The following PLS1 variants were observed in gnomAD, a reference collection of about 807,000 sequenced individuals.
The protein encoded by PLS1 is plastin-1.
Under a neutral mutation model 73.7 loss-of-function variants are expected in PLS1, and 32 were observed. The ratio of observed to expected loss-of-function variants is 0.43; its 90% CI spans 0.33 to 0.58. The LOEUF (loss-of-function observed/expected upper bound fraction) is 0.58, where lower values mean the gene tolerates loss of function less well. Ranked by LOEUF, PLS1 falls within the 20% of genes least tolerant of loss-of-function variation. The pLI, the probability that PLS1 is intolerant of heterozygous loss-of-function variation, is 0.04. For missense variants in PLS1, 633 were observed against 740.5 expected, an observed-to-expected ratio of 0.85 and a Z score of 1.68; for synonymous variants, 217 against 261.3, an observed-to-expected ratio of 0.83 and a Z score of 1.63.
chr3:142,668,237 T>C (rs1403154244), intron 2 of PLS1, among the ~76,000 whole-genome samples: 1 of 152,178 alleles, frequency 6.6e-6, no homozygotes, highest in African/African-American at 2.4e-5. Flanking sequence ...ACCCGGCCTC[T>C]AGGGAAAACC....
rs1200390341 is a variant in PLS1 at position 142,639,085 on chromosome 3, T to C, written c.-36-25117T>C. Among the ~76,000 whole-genome samples, 4 of 152,296 alleles carry C rather than the reference T, an allele frequency of 2.6e-5. No individual in the cohort carries two copies. In the Middle Eastern group the frequency reaches 0.01, roughly 389 times the overall value. On this transcript the variant is annotated intron_variant, in intron 1 of 15. Coordinates refer to ENST00000457734, the MANE Select transcript of PLS1 (RefSeq NM_001145319.2). ...ACGTAATTTCTATCATCAGTACTTA[T>C]ATAATAGAAGACTTCCTTAGGGTAA...
intron 1 of PLS1, among the ~76,000 whole-genome samples, chr3:142,623,035 T>C (rs2036346463): frequency 6.6e-6 from 1 of 152,170 alleles, no homozygotes; most frequent in South Asian, 2.1e-4. Context: ...CATAGCACGC[T>C]ACAGCCTTGT....
chr3:142,676,032 G>T, intron 4 of PLS1, 125 bp from the exon 5 acceptor site: 1 of 752,198 alleles, frequency 1.3e-6, no homozygotes, highest in East Asian at 2.7e-5. Flanking sequence ...TTGTAATAAT[G>T]GTCAATTATT....
chr3:142,608,629 G>C (rs919126552), intron 1 of PLS1, among the ~76,000 whole-genome samples: 8 of 152,196 alleles, frequency 5.3e-5, no homozygotes, highest in African/African-American at 1.9e-4. Flanking sequence ...CCAGACTCCA[G>C]AGTTTCCAGT....
In PLS1 at chr3:142,676,203, G is replaced by A. The variant is rs2037721018; in HGVS notation, c.411G>A (p.Glu137=). 6.2e-7 allele frequency: 1 copy of A among 1,613,258 alleles called. No individual in the cohort carries two copies. Among genetic ancestry groups the A allele is most frequent in the Non-Finnish European group, 8.5e-7 (1 of 1,179,386 alleles). The change falls in exon 5 of 16, where the codon GAG becomes GAA. Residue 137 remains glutamate (E), a synonymous_variant. Transcript: ENST00000457734. ...AFVNWINKAL[E]NDPDCKHLIP... ...TTAACTGGATAAACAAAGCCCTGGAGAATGACCCTGACTGTAAGCATCTTA... is the reference window on the plus strand; with the variant it reads ...TTAACTGGATAAACAAAGCCCTGGAAAATGACCCTGACTGTAAGCATCTTA...
At chr3:142,641,212 TTATATA>T (rs2036828821) in intron 1 of PLS1, among the ~76,000 whole-genome samples, 1 of 145,756 alleles carries the variant, frequency 6.9e-6, no homozygotes, top group African/African-American at 2.5e-5. Flanking sequence ...TATATCTATA[TTATATA>T]TAGATATATA....
intron 8 of PLS1, among the ~76,000 whole-genome samples, chr3:142,685,722 C>T (rs2037950768): frequency 6.6e-6 from 1 of 152,228 alleles, no homozygotes; most frequent in African/African-American, 2.4e-5. Flanking sequence ...ATCACTTTCA[C>T]AGCATTCTCT....
chr3:142,628,735 T>C (rs890114120), intron 1 of PLS1, among the ~76,000 whole-genome samples: 2 of 152,240 alleles, frequency 1.3e-5, no homozygotes, highest in African/African-American at 4.8e-5. Context: ...GTCATTGTTA[T>C]TAGCTGAGAA....
At chr3:142,622,553 C>A (rs2036337314) in intron 1 of PLS1, among the ~76,000 whole-genome samples, 1 of 151,930 alleles carries the variant, frequency 6.6e-6, no homozygotes, top group African/African-American at 2.4e-5. Flanking sequence ...TTAACTTTTT[C>A]TTTCACTTTA....
At chr3:142,665,790 A>G (rs2037468982) in intron 2 of PLS1, among the ~76,000 whole-genome samples, 1 of 144,264 alleles carries the variant, frequency 6.9e-6, no homozygotes, top group Admixed American at 7.0e-5. Flanking sequence ...TAAACAATTC[A>G]CTGATGGAAC....
Position 142,684,022 on chromosome 3 carries a change from C to T in PLS1, c.596C>T (p.Ala199Val). ...PFTISENLNL[A>V]LNSASAIGCT... The stretch of plus-strand genomic sequence containing the variant: ...GCAATTCAGGAAAATTTAAACCTAG[C>T]TCTGAATTCTGCCTCAGCCATTGGT... Residue 199 changes from alanine to valine, a missense_variant, in exon 7 of 16, where the codon GCT becomes GTT. Transcript: ENST00000457734. 2.5e-6 allele frequency: 4 copies of T among 1,607,726 alleles called. No homozygotes were observed. Among genetic ancestry groups the T allele is most frequent in the Non-Finnish European group, 3.4e-6 (4 of 1,177,966 alleles).
intron 1 of PLS1, among the ~76,000 whole-genome samples, chr3:142,654,056 A>G (rs1042821529): frequency 2.0e-5 from 3 of 152,204 alleles, no homozygotes; most frequent in Admixed American, 2.0e-4. Flanking sequence ...TAAATAGTAG[A>G]AAAGTCTTGG....
intron 1 of PLS1, among the ~76,000 whole-genome samples, chr3:142,602,121 T>TC (rs60458036): frequency 6.7e-6 from 1 of 148,666 alleles, no homozygotes; most frequent in African/African-American, 2.4e-5. Context: ...TTTTTTTTTT[T>TC]CATTCCACTT....
At chr3:142,623,282 T>C (rs1389692316) in intron 1 of PLS1, 3 of 152,206 alleles carry the variant, frequency 2.0e-5, no homozygotes, top group African/African-American at 7.2e-5. Flanking sequence ...CCAGCTATAA[T>C]CAAATAGAAT....
chr3:142,691,447 G>A (rs527472141), intron 10 of PLS1, among the ~76,000 whole-genome samples: 49 of 152,028 alleles, frequency 3.2e-4, no homozygotes, highest in African/African-American at 9.7e-4. Context: ...ATTGTTTAGA[G>A]TGGCATATTA....
chr3:142,661,349 T>C (rs1039013928), intron 1 of PLS1, among the ~76,000 whole-genome samples: 1 of 152,182 alleles, frequency 6.6e-6, no homozygotes, highest in African/African-American at 2.4e-5. Context: ...TTTAGAATTT[T>C]TTAAAAAACA....
intron 1 of PLS1, among the ~76,000 whole-genome samples, chr3:142,644,353 G>C (rs1027344456): frequency 4.6e-5 from 7 of 151,734 alleles, no homozygotes; most frequent in Non-Finnish European, 8.8e-5. Context: ...CAGGCTCAAG[G>C]GATTCTCCTA....
At chr3:142,638,779 T>G (rs2036764716) in intron 1 of PLS1, among the ~76,000 whole-genome samples, 1 of 152,148 alleles carries the variant, frequency 6.6e-6, no homozygotes, top group South Asian at 2.1e-4. Flanking sequence ...TTTGCTCTTG[T>G]TGCACAGGCT....
intron 1 of PLS1, among the ~76,000 whole-genome samples, chr3:142,655,518 C>G (rs2140435): frequency 0.11 from 16,693 of 151,766 alleles, 934 homozygotes; most frequent in Non-Finnish European, 0.12. Context: ...GTCAGGAGTT[C>G]GAGACCAGCC....
Sources: gnomAD v4.1 joint callset for allele counts (sites outside exome capture counted in the v4.1 genomes callset) on GRCh38, gnomAD v4.1.1 for gene constraint, MANE v1.5 for transcripts, NCBI Gene and HGNC (gene_info 2026-07-23, HGNC 2026-07-21) for gene names.